NUP155: variants seen among roughly 807,000 people sequenced by gnomAD.
The protein encoded by NUP155 is nucleoporin 155.
Under a neutral mutation model 180.4 loss-of-function variants are expected in NUP155, and 71 were observed. That is an observed-to-expected ratio of 0.39 (90% CI 0.33 to 0.48). NUP155 has a LOEUF of 0.48. NUP155 is among the 20% of genes least tolerant of loss of function. The pLI is 0.91. For synonymous variants in NUP155, 582 were observed against 559.5 expected (o/e 1.04, Z -0.57); for missense variants, 1,553 against 1,648.9 (o/e 0.94, Z 1.01).
At chr5:37,317,917 T>C (rs1744004206) in intron 21 of NUP155, 71 bp downstream of exon 21, 4 of 849,072 alleles carry the variant, frequency 4.7e-6, no homozygotes, top group African/African-American at 1.7e-5. Context: ...AGAAAGTCCA[T>C]TGTTTTCTAT....
rs182124547 is a variant in NUP155 at position 37,296,955 on chromosome 5, T to A, written c.3793+1913A>T. ...ACTATGGGAGGCCAAGGTGAGCAGA[T>A]CACCTGAGGTCAGGAGTTCGAGACC... On this transcript the variant is annotated intron_variant, in intron 32 of 34. Transcript: ENST00000231498. Among the ~76,000 whole-genome samples the A allele has an allele frequency of 7.6e-3, 1,150 of 152,158 alleles. 18 individuals are homozygous for A. Among genetic ancestry groups the A allele is most frequent in the African/African-American group, 0.026 (1,097 of 41,524 alleles).
Position 37,370,900 on chromosome 5 carries a change from A to G in NUP155, c.78T>C (p.Ala26=). The stretch of plus-strand genomic sequence containing the variant: ...GCAACTGACGGTCGATGAGCCGTCC[A>G]GCATTTTCCAGAGCTTCCTGCAGGG... The part of the protein sequence containing the change: ...AAALQEALEN[A]GRLIDRQLQE... The change falls in exon 1 of 35, where the codon GCT becomes GCC. Residue 26 remains alanine, a synonymous_variant. Coordinates refer to ENST00000231498, the MANE Select transcript of NUP155 (RefSeq NM_153485.3). 1.2e-6 allele frequency: 2 copies of G among 1,614,228 alleles called. No individual in the cohort carries two copies. Among genetic ancestry groups the G allele is most frequent in the Non-Finnish European group, 1.7e-6 (2 of 1,180,034 alleles).
chr5:37,326,576 C>G (rs1490178540), intron 18 of NUP155, among the ~76,000 whole-genome samples: 1 of 152,144 alleles, frequency 6.6e-6, no homozygotes, highest in Non-Finnish European at 1.5e-5. Context: ...ACTCTGCCAC[C>G]ACCAACTAAA....
In NUP155 at chr5:37,298,883, G is replaced by GT; in HGVS notation, c.3777dup (p.Arg1260ThrfsTer32). The GT allele has an allele frequency of 6.3e-7, 1 of 1,597,846 alleles. No individual in the cohort carries two copies. The highest frequency in any genetic ancestry group is 8.6e-7 in the Non-Finnish European group (1 of 1,165,238). On this transcript the variant is annotated frameshift_variant, in exon 32 of 35. Coordinates refer to ENST00000231498, the MANE Select transcript of NUP155 (RefSeq NM_153485.3). LOFTEE classifies it high-confidence loss of function. ...CACAGCTTACCTAAAGGAAAGAAGCGTGGTGTGCCAGCATAAATTTTGCCA... is the reference window on the plus strand; with the variant it reads ...CACAGCTTACCTAAAGGAAAGAAGCGTTGGTGTGCCAGCATAAATTTTGCCA...
At chr5:37,367,479 T>G (rs969831570) in intron 1 of NUP155, among the ~76,000 whole-genome samples, 17 of 151,920 alleles carry the variant, frequency 1.1e-4, no homozygotes, top group African/African-American at 4.1e-4. Context: ...CCTCCCAAAT[T>G]GCTGAGATTA....
chr5:37,296,484 G>A (rs553625122), intron 32 of NUP155, among the ~76,000 whole-genome samples: 3 of 149,814 alleles, frequency 2.0e-5, no homozygotes, highest in South Asian at 2.1e-4. Context: ...GGCAGCATGC[G>A]GCAGCATGCT....
chr5:37,344,202 G>T lies in NUP155; in HGVS notation c.996-1556C>A, dbSNP rs147641567. Among the ~76,000 whole-genome samples the T allele has an allele frequency of 3.4e-3, 522 of 151,894 alleles. 1 individual carries two copies. Among genetic ancestry groups the T allele is most frequent in the Non-Finnish European group, 4.6e-3 (316 of 67,958 alleles). The stretch of plus-strand genomic sequence containing the variant: ...TAAAAAATATATAAAAATTAGCCAA[G>T]AATAGTGGCGCACATCTAGAGTCCC... On this transcript the variant is annotated intron_variant, in intron 9 of 34. Transcript: ENST00000231498.
At chr5:37,325,795 C>T (rs1249126747) in intron 19 of NUP155, 106 bp downstream of exon 19, 4 of 614,484 alleles carry the variant, frequency 6.5e-6, no homozygotes, top group South Asian at 5.4e-5. Flanking sequence ...AAAAAAATAA[C>T]CTTTGCCATC....
Position 37,291,602 on chromosome 5 carries a change from T to C in NUP155, c.*298A>G, listed in dbSNP as rs969983527. The stretch of plus-strand genomic sequence containing the variant: ...TAACTTGAAAATGAATAATATAAAT[T>C]CGAAATTTCTGCCTGCAGTACAATT... On this transcript the variant is annotated 3_prime_UTR_variant, in exon 35 of 35. Coordinates refer to ENST00000231498, the MANE Select transcript of NUP155 (RefSeq NM_153485.3). 3.9e-6 allele frequency: 1 copy of C among 254,252 alleles called. No homozygotes were observed. Among genetic ancestry groups the C allele is most frequent in the African/African-American group, 2.3e-5 (1 of 43,134 alleles). 15.7% of individuals were successfully genotyped at this position (254,252 alleles called of 1,614,324 possible).
chr5:37,358,489 C>A (rs954036013), intron 3 of NUP155, among the ~76,000 whole-genome samples: 2 of 151,862 alleles, frequency 1.3e-5, no homozygotes, highest in African/African-American at 2.4e-5. Context: ...AACAGAAAAC[C>A]AAGTATTATC....
Position 37,291,126 on chromosome 5 carries a change from G to A in NUP155, c.*774C>T, listed in dbSNP as rs1742212969. 1 of 152,218 alleles carries A rather than the reference G, an allele frequency of 6.6e-6. No homozygotes were observed. Among genetic ancestry groups the A allele is most frequent in the Admixed American group, 6.5e-5 (1 of 15,278 alleles). The allele number at this position is 152,218 out of a possible 1,614,324, so 9.4% of individuals were successfully genotyped here. On this transcript the variant is annotated 3_prime_UTR_variant, in exon 35 of 35. Coordinates refer to ENST00000231498, the MANE Select transcript of NUP155 (RefSeq NM_153485.3). ...TGACAAAACCAGTTGTTAGAGGACA[G>A]TTCTTTCAAGGGTGAACCCAACACC...
At chr5:37,303,155 T>C in intron 28 of NUP155, 105 bp downstream of exon 28, 1 of 1,318,568 alleles carries the variant, frequency 7.6e-7, no homozygotes, top group Non-Finnish European at 1.1e-6. Flanking sequence ...AAAATTTAGG[T>C]CAGTATATTA....
intron 1 of NUP155, among the ~76,000 whole-genome samples, chr5:37,367,253 C>T (rs1341248130): frequency 2.0e-5 from 3 of 151,436 alleles, no homozygotes; most frequent in South Asian, 2.1e-4. Flanking sequence ...GATGGGCTCT[C>T]GCTCTGTCGC....
Position 37,354,626 on chromosome 5 carries a change from T to C in NUP155, c.464-1797A>G, listed in dbSNP as rs532891343. 5.9e-5 allele frequency among the ~76,000 whole-genome samples: 9 copies of C among 151,768 alleles called. No individual in the cohort carries two copies. The East Asian group carries it at 1.4e-3, about 23-fold the overall frequency. On this transcript the variant is annotated intron_variant, in intron 4 of 34. Coordinates refer to ENST00000231498, the MANE Select transcript of NUP155 (RefSeq NM_153485.3). ...GGCATGCACCACCATGCCTGGCTTA[T>C]GTTTCTGTTTTTTGCAGACAGGGTA...
At chr5:37,348,426 T>C in intron 9 of NUP155, 79 bp downstream of exon 9, 4 of 900,942 alleles carry the variant, frequency 4.4e-6, no homozygotes, top group Non-Finnish European at 7.6e-6. Context: ...GAGGGAATAA[T>C]ATATACTTTT....
chr5:37,302,837 G>A lies in NUP155; in HGVS notation c.3389C>T (p.Ala1130Val). ...RAILSAKSST[A>V]ISSIAADGEF... ...ACCATCGGCAGCTATTGATGAAATGGCAGTGGAACTTTTGGCACTAAGAAT... is the reference window on the plus strand; with the variant it reads ...ACCATCGGCAGCTATTGATGAAATGACAGTGGAACTTTTGGCACTAAGAAT... The change falls in exon 29 of 35, where the codon GCC becomes GTC. Residue 1130 changes from alanine to valine, a missense_variant. Physicochemically the swap from Ala to Val is moderately conservative, Grantham distance 64. Transcript: ENST00000231498. The A allele has an allele frequency of 6.2e-7, 1 of 1,613,754 alleles. No individual in the cohort carries two copies.
intron 1 of NUP155, among the ~76,000 whole-genome samples, chr5:37,368,602 A>G (rs959980172): frequency 6.6e-6 from 1 of 151,788 alleles, no homozygotes; most frequent in African/African-American, 2.4e-5. Context: ...GGCGGATCAC[A>G]TGAGGTCAGG....
At chr5:37,307,500 G>C in intron 24 of NUP155, 68 bp from the exon 25 acceptor site, 2 of 1,446,962 alleles carry the variant, frequency 1.4e-6, no homozygotes, top group South Asian at 2.3e-5. Flanking sequence ...TCCTTAGCTG[G>C]CACATGAAAA....
chr5:37,365,720 A>AG (rs1387865866), intron 1 of NUP155, among the ~76,000 whole-genome samples: 1 of 46,928 alleles, frequency 2.1e-5, no homozygotes, highest in Non-Finnish European at 4.3e-5. Flanking sequence ...GGAGAAAAAA[A>AG]AAAAAAAAAA....
Sources: gnomAD v4.1 joint callset for allele counts (sites outside exome capture counted in the v4.1 genomes callset) on GRCh38, gnomAD v4.1.1 for gene constraint, MANE v1.5 for transcripts, NCBI Gene and HGNC (gene_info 2026-07-23, HGNC 2026-07-21) for gene names.